SH3D19: variants seen among roughly 807,000 people sequenced by gnomAD.
SH3D19 encodes the protein SH3 domain containing 19, also known as SH3 domain-containing protein 19.
SH3D19 carries 58 observed loss-of-function variants against 112.1 expected under a neutral mutation model. That is an observed-to-expected ratio of 0.52 (90% CI 0.42 to 0.64). The LOEUF is 0.64. Ranked by LOEUF, SH3D19 falls within the 30% of genes least tolerant of loss-of-function variation. The pLI is 0.00. For synonymous variants in SH3D19, 391 were observed against 448.5 expected, an observed-to-expected ratio of 0.87 and a Z score of 1.62; for missense variants, 1,090 against 1,263.4, an observed-to-expected ratio of 0.86 and a Z score of 2.08.
intron 12 of SH3D19, among the ~76,000 whole-genome samples, chr4:151,143,117 G>A (rs190873838): frequency 1.9e-4 from 29 of 151,962 alleles, no homozygotes; most frequent in African/African-American, 6.8e-4. Context: ...CACGCCTGTA[G>A]TCCCAGCTAC....
Position 151,172,170 on chromosome 4 carries a change from G to A in SH3D19, c.1534+2500C>T, listed in dbSNP as rs573815643. Among the ~76,000 whole-genome samples the A allele has an allele frequency of 1.9e-3, 289 of 152,250 alleles. 1 individual carries two copies. Among genetic ancestry groups the A allele is most frequent in the African/African-American group, 6.6e-3 (273 of 41,534 alleles). On this transcript the variant is annotated intron_variant, in intron 7 of 19. Transcript: ENST00000604030. ...TTTCTGCCTGGTGTCTGGATGATTA[G>A]GCAAGGTTTCCCAGGACCATAAACC... is the stretch of plus-strand genomic sequence containing the variant.
At chr4:151,278,931 T>A (rs1561424633) in intron 1 of SH3D19, 1 of 185,422 alleles carries the variant, frequency 5.4e-6, no homozygotes, top group Non-Finnish European at 1.1e-5. Context: ...CTGTGCCCAG[T>A]CAATCTTACC....
intron 1 of SH3D19, among the ~76,000 whole-genome samples, chr4:151,241,475 A>C (rs767240045): frequency 6.6e-5 from 10 of 151,030 alleles, no homozygotes; most frequent in Non-Finnish European, 1.3e-4. Context: ...GGGTTTCTTT[A>C]TGGATTATGA....
At chr4:151,135,218 T>C (rs1034918956) in intron 14 of SH3D19, 86 bp from the exon 15 acceptor site, 48 of 1,094,014 alleles carry the variant, frequency 4.4e-5, no homozygotes, top group Non-Finnish European at 5.9e-5. Context: ...AGAAAGTACA[T>C]GACTGAAATC....
intron 2 of SH3D19, among the ~76,000 whole-genome samples, chr4:151,219,134 A>G (rs1198311756): frequency 6.6e-6 from 1 of 152,198 alleles, no homozygotes; most frequent in Non-Finnish European, 1.5e-5. Flanking sequence ...ACTTCCTTGT[A>G]AAATCCAGTT....
intron 1 of SH3D19, among the ~76,000 whole-genome samples, chr4:151,276,331 C>A (rs10031902): frequency 0.32 from 48,937 of 151,906 alleles, 9,326 homozygotes; most frequent in Non-Finnish European, 0.44. Flanking sequence ...ACCATCCAGA[C>A]CCCCCTTTAG....
intron 3 of SH3D19, among the ~76,000 whole-genome samples, chr4:151,186,100 A>T (rs1761733383): frequency 6.6e-6 from 1 of 152,202 alleles, no homozygotes; most frequent in Non-Finnish European, 1.5e-5. Flanking sequence ...TCGGGGTGGT[A>T]ACCTCAGCTC....
At position 151,270,414 on chromosome 4, in the gene SH3D19, T is replaced by C. The variant is rs1773151786; in HGVS notation, c.113-44328A>G. 1.3e-5 allele frequency among the ~76,000 whole-genome samples: 2 copies of C among 152,198 alleles called. 1 individual carries two copies. The highest frequency in any genetic ancestry group is 4.1e-4 in the South Asian group (2 of 4,830). On this transcript the variant is annotated intron_variant, in intron 1 of 19. Coordinates refer to ENST00000604030, the MANE Select transcript of SH3D19 (RefSeq NM_001378122.1). The stretch of plus-strand genomic sequence containing the variant: ...TGATGTGCCTGCTCACCCTTTGCCT[T>C]CTTCCATGATTGGAAGCTTCTTGAG...
chr4:151,251,436 G>A (rs948262567), intron 1 of SH3D19, among the ~76,000 whole-genome samples: 1 of 152,078 alleles, frequency 6.6e-6, no homozygotes, highest in African/African-American at 2.4e-5. Context: ...CTGATCACAA[G>A]CAATCCACCA....
At chr4:151,297,105 G>T (rs1345033489) in intron 1 of SH3D19, among the ~76,000 whole-genome samples, 1 of 152,176 alleles carries the variant, frequency 6.6e-6, no homozygotes, top group Non-Finnish European at 1.5e-5. Flanking sequence ...AGGAAAAGGA[G>T]GAAGGGGAGG....
chr4:151,291,638 T>A (rs189582191), intron 1 of SH3D19, among the ~76,000 whole-genome samples: 20 of 152,344 alleles, frequency 1.3e-4, no homozygotes, highest in African/African-American at 4.8e-4. Flanking sequence ...GGATGTCCTC[T>A]ATGAATAAGC....
chr4:151,323,665 TG>T (rs1730765505), intron 1 of SH3D19, among the ~76,000 whole-genome samples: 1 of 152,192 alleles, frequency 6.6e-6, no homozygotes, highest in Non-Finnish European at 1.5e-5. Flanking sequence ...AAGTACACAA[TG>T]TCATGTCTCA....
intron 17 of SH3D19, among the ~76,000 whole-genome samples, chr4:151,128,794 C>T (rs917852570): frequency 1.4e-4 from 21 of 152,168 alleles, no homozygotes; most frequent in African/African-American, 4.8e-4. Flanking sequence ...GTGCAGCCAC[C>T]ACACTCGGCT....
chr4:151,248,231 T>C (rs1347273830), intron 1 of SH3D19, among the ~76,000 whole-genome samples: 2 of 152,210 alleles, frequency 1.3e-5, no homozygotes, highest in Non-Finnish European at 2.9e-5. Context: ...CCTGAGAAGC[T>C]GGGATTACAG....
In SH3D19 at chr4:151,138,165, C is replaced by T. The variant is rs1246448176; in HGVS notation, c.2297-303G>A. On this transcript the variant is annotated intron_variant, in intron 13 of 19. Coordinates refer to ENST00000604030, the MANE Select transcript of SH3D19 (RefSeq NM_001378122.1). ...TGCCAATATAAAGCCGTGCTGAATA[C>T]ACACTGAACAATGAAAAAAGTTTAT... 2.0e-5 allele frequency among the ~76,000 whole-genome samples: 3 copies of T among 151,996 alleles called. No individual in the cohort carries two copies. In the East Asian group the frequency reaches 5.8e-4, roughly 29 times the overall value.
At chr4:151,138,511 C>T (rs1284178203) in intron 13 of SH3D19, among the ~76,000 whole-genome samples, 2 of 151,358 alleles carry the variant, frequency 1.3e-5, no homozygotes, top group African/African-American at 4.9e-5. Context: ...CCAGCCTGGG[C>T]AACATAGCGA....
chr4:151,294,708 C>T (rs975147231), intron 1 of SH3D19, among the ~76,000 whole-genome samples: 18 of 152,234 alleles, frequency 1.2e-4, no homozygotes, highest in African/African-American at 4.1e-4. Context: ...GAGGACACTA[C>T]AGTAAATATA....
intron 15 of SH3D19, 119 bp downstream of exon 15, chr4:151,134,955 T>G: frequency 1.3e-6 from 1 of 753,038 alleles, no homozygotes; most frequent in South Asian, 1.9e-5. Flanking sequence ...CCCAAAGTAC[T>G]GGGATACAGG....
At chr4:151,279,564 C>T (rs1421211728) in intron 1 of SH3D19, among the ~76,000 whole-genome samples, 1 of 152,136 alleles carries the variant, frequency 6.6e-6, no homozygotes, top group African/African-American at 2.4e-5. Flanking sequence ...CCTATTTCTT[C>T]CTTAGGTTCT....
Sources: gnomAD v4.1 joint callset for allele counts (sites outside exome capture counted in the v4.1 genomes callset) on GRCh38, gnomAD v4.1.1 for gene constraint, MANE v1.5 for transcripts, NCBI Gene and HGNC (gene_info 2026-07-23, HGNC 2026-07-21) for gene names.